TXNIP: variants seen among roughly 807,000 people sequenced by gnomAD.
TXNIP encodes thioredoxin interacting protein, also known as thioredoxin-interacting protein.
TXNIP carries 23 observed loss-of-function variants against 43.9 expected under a neutral mutation model. The observed-to-expected ratio is 0.52, with a 90% CI of 0.38 to 0.74. The LOEUF is 0.74. Ranked by LOEUF, TXNIP falls within the 30% of genes least tolerant of loss-of-function variation. The probability of loss-of-function intolerance (pLI) is 0.00; values close to 1 mark genes in which losing one functional copy is unlikely to be tolerated. For missense variants in TXNIP, 555 were observed against 485.4 expected, an observed-to-expected ratio of 1.14 and a Z score of -1.35; for synonymous variants, 234 against 172.2, an observed-to-expected ratio of 1.36 and a Z score of -2.81.
chr1:145,993,542 C>T lies in TXNIP; in HGVS notation c.*309G>A, dbSNP rs1280146264. ...GCCAGGAGGCCATTTTTACCTGACC[C>T]GAAACTATCGAAAAGGCCTCAATTT... On this transcript the variant is annotated 3_prime_UTR_variant, in exon 8 of 8. Transcript: ENST00000582401. 5 of 266,044 alleles carry T rather than the reference C, an allele frequency of 1.9e-5. No homozygotes were observed. The highest frequency in any genetic ancestry group is 1.3e-4 in the East Asian group (2 of 14,956). The allele number at this position is 266,044 out of a possible 1,614,324, so 16.5% of individuals were successfully genotyped here. A position where few individuals can be genotyped will look rare whatever the true frequency, so the allele number is the denominator to read the frequency against.
rs376580176 is a variant in TXNIP, at chr1:145,994,043, C to G, written c.1113G>C (p.Lys371Asn). ...SPIFMYAPEF[K>N]FMPPPTYTEV... ...CAGTATAAGTCGGTGGTGGCATGAA[C>G]TTGAACTCAGGGGCATACATAAAGA... Residue 371 changes from lysine (K) to asparagine (N), a missense_variant, in exon 7 of 8, where the codon AAG (lysine) becomes AAC (asparagine). Coordinates refer to ENST00000582401, the MANE Select transcript of TXNIP (RefSeq NM_006472.6). 6 of 1,614,014 alleles carry G rather than the reference C, an allele frequency of 3.7e-6. No individual in the cohort carries two copies. Among genetic ancestry groups the G allele is most frequent in the Non-Finnish European group, 5.1e-6 (6 of 1,180,030 alleles).
Position 145,994,270 on chromosome 1 carries a change from G to C in TXNIP, c.988+11C>G. 2 of 1,613,610 alleles carry C rather than the reference G, an allele frequency of 1.2e-6. No homozygotes were observed. Among genetic ancestry groups the C allele is most frequent in the Non-Finnish European group, 1.7e-6 (2 of 1,179,792 alleles). On this transcript the variant is annotated intron_variant, in intron 6 of 7. Coordinates refer to ENST00000582401, the MANE Select transcript of TXNIP (RefSeq NM_006472.6). ...ACCAGAAACAAAGAAAAGACATTAGGTCTGGCTCACCTTCTGGGGTATCAG... is the reference window on the plus strand; with the variant it reads ...ACCAGAAACAAAGAAAAGACATTAGCTCTGGCTCACCTTCTGGGGTATCAG...
rs1651547923 is a variant in TXNIP at position 145,996,537 on chromosome 1, G to A, written c.-271C>T. 2 of 348,820 alleles carry A rather than the reference G, an allele frequency of 5.7e-6. No individual in the cohort carries two copies. Among genetic ancestry groups the A allele is most frequent in the African/African-American group, 4.3e-5 (2 of 46,818 alleles). 21.6% of individuals were successfully genotyped at this position (348,820 alleles called of 1,614,324 possible). A position where few individuals can be genotyped will look rare whatever the true frequency, so the allele number is the denominator to read the frequency against. On this transcript the variant is annotated 5_prime_UTR_variant, in exon 1 of 8. Coordinates refer to ENST00000582401, the MANE Select transcript of TXNIP (RefSeq NM_006472.6). Reference sequence around the variant, plus strand: ...CCCCCAATTGCTGGAGAAAAGATCCGATCTCCACAAGCACTCCTTTGGAGA... The same window carrying A: ...CCCCCAATTGCTGGAGAAAAGATCCAATCTCCACAAGCACTCCTTTGGAGA...
chr1:145,995,503 A>G lies in TXNIP; in HGVS notation c.251-27T>C, dbSNP rs782733014. On this transcript the variant is annotated intron_variant, in intron 1 of 7. Transcript: ENST00000582401. ...TGAAGGGAAAGAAAATCGAGTAGCC[A>G]TTAGGCTTGCTGTTACACTTAAAAT... 9 of 1,608,436 alleles carry G rather than the reference A, an allele frequency of 5.6e-6. No homozygotes were observed. The East Asian group carries it at 2.0e-4, about 36-fold the overall frequency.
chr1:145,993,715 C>T lies in TXNIP; in HGVS notation c.*136G>A. ...CCAGGAGATTGCCTGCTGACCACCT[C>T]CTACATTAGGAAGTCAGAGGCTAAG... is the stretch of plus-strand genomic sequence containing the variant. On this transcript the variant is annotated 3_prime_UTR_variant, in exon 8 of 8. Coordinates refer to ENST00000582401, the MANE Select transcript of TXNIP (RefSeq NM_006472.6). 1 of 986,628 alleles carries T rather than the reference C, an allele frequency of 1.0e-6. No individual in the cohort carries two copies. The highest frequency in any genetic ancestry group is 1.5e-6 in the Non-Finnish European group (1 of 671,558). 61.1% of individuals were successfully genotyped at this position (986,628 alleles called of 1,614,324 possible).
At chr1:145,995,608 T>C (rs587662357) in intron 1 of TXNIP, 132 bp from the exon 2 acceptor site, 2 of 842,100 alleles carry the variant, frequency 2.4e-6, no homozygotes, top group African/African-American at 1.7e-5. Flanking sequence ...ATATATTTTT[T>C]AATCCATCCC....
At chr1:145,995,712 AC>A in intron 1 of TXNIP, 1 of 611,780 alleles carries the variant, frequency 1.6e-6, no homozygotes, top group East Asian at 2.7e-5. Flanking sequence ...ACAGTTCTCT[AC>A]TAACATCTCA....
In TXNIP at chr1:145,994,444, AG is replaced by A. The variant is rs1553766023; in HGVS notation, c.832-8del. 6.2e-7 allele frequency: 1 copy of A among 1,613,702 alleles called. No homozygotes were observed. The highest frequency in any genetic ancestry group is 8.5e-7 in the Non-Finnish European group (1 of 1,179,752). On this transcript the variant is annotated splice_polypyrimidine_tract_variant and splice_region_variant and intron_variant, in intron 5 of 7. Transcript: ENST00000582401. ...CAGGAACGCTAACATAGATCTAGAA[AG>A]GAAGATGGCAGTTTATTACACCAGA...
At chr1:145,995,594 A>G (rs746158456) in intron 1 of TXNIP, 118 bp from the exon 2 acceptor site, 25 of 886,912 alleles carry the variant, frequency 2.8e-5, no homozygotes, top group Non-Finnish European at 4.3e-5. Flanking sequence ...ATTTCATCCC[A>G]TATATATATT....
rs36108019 is a variant in TXNIP at position 145,995,214 on chromosome 1, T to A, written c.401A>T (p.Gln134Leu). 3.1e-6 allele frequency: 5 copies of A among 1,614,046 alleles called. No individual in the cohort carries two copies. The highest frequency in any genetic ancestry group is 3.3e-5 in the Admixed American group (2 of 59,994). The change falls in exon 3 of 8, where the codon CAG becomes CTG. Residue 134 changes from glutamine to leucine, a missense_variant. Physicochemically the swap from Gln to Leu is moderately radical, Grantham distance 113 (BLOSUM62 -2). Coordinates refer to ENST00000582401, the MANE Select transcript of TXNIP (RefSeq NM_006472.6). ...WVKAFLDRPS[Q>L]PTQETKKNFE... ...GTTTTTCTTTGTCTCTTGAGTTGGC[T>A]GGCTCGGGCGGTCAAGAAAAGCCTT...
At position 145,996,318 on chromosome 1, in the gene TXNIP, A is replaced by C; in HGVS notation, c.-52T>G. ...TAGAAATGACGGTGGAAGAAAAAAA[A>C]AGCTCCAAATCGAGGAAACCCCTTT... On this transcript the variant is annotated 5_prime_UTR_variant, in exon 1 of 8. Transcript: ENST00000582401. 1.3e-6 allele frequency: 2 copies of C among 1,565,066 alleles called. No individual in the cohort carries two copies. The highest frequency in any genetic ancestry group is 1.7e-6 in the Non-Finnish European group (2 of 1,156,944).
chr1:145,994,997 G>T lies in TXNIP; in HGVS notation c.506C>A (p.Ser169Tyr). 6.2e-7 allele frequency: 1 copy of T among 1,614,154 alleles called. No individual in the cohort carries two copies. The highest frequency in any genetic ancestry group is 8.5e-7 in the Non-Finnish European group (1 of 1,180,032). ...PVSAKKEKKVSCMFIPDGRVS... is the reference protein window; with the variant it reads ...PVSAKKEKKVYCMFIPDGRVS... Reference sequence around the variant, plus strand: ...CCGCCCATCAGGAATGAACATGCAGGAAACTTTCTTTTCTTTTTTAGCAGA... The same window carrying T: ...CCGCCCATCAGGAATGAACATGCAGTAAACTTTCTTTTCTTTTTTAGCAGA... Residue 169 changes from serine to tyrosine, a missense_variant, in exon 4 of 8, where the codon TCC (serine) becomes TAC (tyrosine). Transcript: ENST00000582401.
intron 4 of TXNIP, 26 bp from the exon 5 acceptor site, chr1:145,994,826 A>C (rs781829482): frequency 1.0e-4 from 161 of 1,613,968 alleles, no homozygotes; most frequent in Non-Finnish European, 1.4e-4. Flanking sequence ...ATGAAAACTT[A>C]CTGATACTCA....
At chr1:145,995,567 G>C (rs782551512) in intron 1 of TXNIP, 91 bp from the exon 2 acceptor site, 1 of 1,129,626 alleles carries the variant, frequency 8.9e-7, no homozygotes, top group Non-Finnish European at 1.3e-6. Flanking sequence ...GGCATGCAAG[G>C]TATTGAAGTA....
chr1:145,995,236 C>T lies in TXNIP; in HGVS notation c.379G>A (p.Ala127Thr). 1.2e-6 allele frequency: 2 copies of T among 1,614,098 alleles called. No homozygotes were observed. The highest frequency in any genetic ancestry group is 1.7e-6 in the Non-Finnish European group (2 of 1,180,014). ...GGCTGGCTCGGGCGGTCAAGAAAAGCCTTCACCCAGTAGTCTACACACCCA... is the reference window on the plus strand; with the variant it reads ...GGCTGGCTCGGGCGGTCAAGAAAAGTCTTCACCCAGTAGTCTACACACCCA... ...KYGCVDYWVK[A>T]FLDRPSQPTQ... Residue 127 changes from alanine to threonine, a missense_variant, in exon 3 of 8, where the codon GCT becomes ACT. Coordinates refer to ENST00000582401, the MANE Select transcript of TXNIP (RefSeq NM_006472.6).
chr1:145,994,125 A>T lies in TXNIP; in HGVS notation c.1031T>A (p.Leu344Ter). The T allele has an allele frequency of 6.2e-7, 1 of 1,614,232 alleles. No homozygotes were observed. Among genetic ancestry groups the T allele is most frequent in the Non-Finnish European group, 8.5e-7 (1 of 1,180,048 alleles). ...YMDVIPEDHRLESPTTPLLDD... is the reference protein window; with the variant it reads ...YMDVIPEDHR ...TAGCAGAGGAGTGGTTGGGCTCTCCAATCGGTGATCTTCAGGAATGACATC... is the reference window on the plus strand; with the variant it reads ...TAGCAGAGGAGTGGTTGGGCTCTCCTATCGGTGATCTTCAGGAATGACATC... The change falls in exon 7 of 8, where the codon TTG (leucine) becomes TAG (stop). Residue 344 changes from leucine (L) to a stop codon, truncating the protein, a stop_gained. Coordinates refer to ENST00000582401, the MANE Select transcript of TXNIP (RefSeq NM_006472.6). LOFTEE classifies it high-confidence loss of function.
chr1:145,993,950 T>G, intron 7 of TXNIP, 64 bp from the exon 8 acceptor site: 1 of 1,613,484 alleles, frequency 6.2e-7, no homozygotes, highest in Non-Finnish European at 8.5e-7. Flanking sequence ...AGTTTAGCAA[T>G]CCGTCTAAGT....
At position 145,995,225 on chromosome 1, in the gene TXNIP, G is replaced by A. The variant is rs920233329; in HGVS notation, c.390C>T (p.Asp130=). Residue 130 remains aspartate, a synonymous_variant, in exon 3 of 8, where the codon GAC becomes GAT. Transcript: ENST00000582401. ...TCTCTTGAGTTGGCTGGCTCGGGCG[G>A]TCAAGAAAAGCCTTCACCCAGTAGT... ...CVDYWVKAFL[D]RPSQPTQETK... 2 of 1,614,022 alleles carry A rather than the reference G, an allele frequency of 1.2e-6. No homozygotes were observed. The highest frequency in any genetic ancestry group is 1.7e-6 in the Non-Finnish European group (2 of 1,180,008).
rs587602402 is a variant in TXNIP, at chr1:145,995,045, G to C, written c.472-14C>G. ...AGACACAGGTGCCTATATAGAAGGGGATAAAAAGGTGTTTTGAGATGCTTC... is the reference window on the plus strand; with the variant it reads ...AGACACAGGTGCCTATATAGAAGGGCATAAAAAGGTGTTTTGAGATGCTTC... On this transcript the variant is annotated splice_polypyrimidine_tract_variant and intron_variant, in intron 3 of 7. Coordinates refer to ENST00000582401, the MANE Select transcript of TXNIP (RefSeq NM_006472.6). 9 of 1,613,654 alleles carry C rather than the reference G, an allele frequency of 5.6e-6. No individual in the cohort carries two copies. The highest frequency in any genetic ancestry group is 7.6e-6 in the Non-Finnish European group (9 of 1,179,916).
Sources: allele counts gnomAD v4.1 joint callset, GRCh38; gene constraint gnomAD v4.1.1; transcripts MANE v1.5; gene names NCBI Gene and HGNC (gene_info 2026-07-23, HGNC 2026-07-21).